CLIC2: variants seen among roughly 807,000 people sequenced by gnomAD.
CLIC2 encodes CLIC family member 2.
A neutral mutation model predicts 14.8 loss-of-function variants in CLIC2; 9 were observed. That is an observed-to-expected ratio of 0.61 (90% CI 0.37 to 1.06). The LOEUF (loss-of-function observed/expected upper bound fraction) is 1.06, where lower values mean the gene tolerates loss of function less well. Among genes scored for constraint, CLIC2 ranks in the 50% least tolerant of loss-of-function variants. The pLI, the probability that CLIC2 is intolerant of heterozygous loss-of-function variation, is 0.01. For synonymous variants in CLIC2, 61 were observed against 66.3 expected, an observed-to-expected ratio of 0.92 and a Z score of 0.39; for missense variants, 148 against 181.4, an observed-to-expected ratio of 0.82 and a Z score of 1.06.
chrX:155,293,581 C>A, intron 3 of CLIC2: 2 of 427,750 alleles, frequency 4.7e-6, no homozygotes, highest in Non-Finnish European at 8.1e-6. Context: ...CACATGTAAA[C>A]ATAAACAGAT....
intron 1 of CLIC2, chrX:155,310,616 G>C (rs2124196905): frequency 7.7e-6 from 1 of 129,229 alleles, no homozygotes; most frequent in South Asian, 2.4e-4. Context: ...TACCATTCTG[G>C]GGTCTGGAGG....
intron 3 of CLIC2, among the ~76,000 whole-genome samples, chrX:155,289,175 T>C (rs2074953948): frequency 9.0e-6 from 1 of 111,241 alleles, no homozygotes; most frequent in South Asian, 3.8e-4. Context: ...TTTCACCCTA[T>C]GAAATGTGCA....
chrX:155,325,761 G>GATATATAT (rs60334475), intron 1 of CLIC2, among the ~76,000 whole-genome samples: 19 of 32,859 alleles, frequency 5.8e-4, no homozygotes, highest in South Asian at 2.6e-3. Context: ...AAGAAAATGT[G>GATATATAT]ATATATATAT....
chrX:155,282,166 G>C (rs2074922125), intron 3 of CLIC2, among the ~76,000 whole-genome samples: 1 of 111,718 alleles, frequency 9.0e-6, no homozygotes, highest in African/African-American at 3.3e-5. Flanking sequence ...CCGTAGGTGA[G>C]GGGGACACAT....
chrX:155,321,362 T>A (rs2075113913), intron 1 of CLIC2, among the ~76,000 whole-genome samples: 1 of 111,766 alleles, frequency 8.9e-6, no homozygotes, highest in Non-Finnish European at 1.9e-5. Context: ...TAATAGCAGA[T>A]CTCTCTGCAG....
At chrX:155,282,206 G>C (rs1321754703) in intron 3 of CLIC2, among the ~76,000 whole-genome samples, 1 of 111,787 alleles carries the variant, frequency 8.9e-6, no homozygotes, top group Non-Finnish European at 1.9e-5. Flanking sequence ...TTTTCTTTCA[G>C]GTCTTTTTCA....
chrX:155,319,754 G>A (rs933119100), intron 1 of CLIC2, among the ~76,000 whole-genome samples: 15 of 111,694 alleles, frequency 1.3e-4, no homozygotes, highest in Non-Finnish European at 2.6e-4. Flanking sequence ...AGGGAGCCAA[G>A]TGGTCTAGCT....
At chrX:155,293,040 C>A (rs1411256445) in intron 3 of CLIC2, 10 of 641,032 alleles carry the variant, frequency 1.6e-5, no homozygotes, top group Non-Finnish European at 2.4e-5. Context: ...CAGCCCTGTA[C>A]GAGGCCACTC....
chrX:155,325,382 G>A (rs1190138639), intron 1 of CLIC2, among the ~76,000 whole-genome samples: 6 of 111,090 alleles, frequency 5.4e-5, no homozygotes, highest in African/African-American at 2.0e-4. Flanking sequence ...TGATAGAATG[G>A]ACAAAGAAAA....
chrX:155,309,292 G>A, intron 1 of CLIC2, among the ~76,000 whole-genome samples: 1 of 111,472 alleles, frequency 9.0e-6, no homozygotes, highest in East Asian at 2.8e-4. Flanking sequence ...GGCAACATGA[G>A]TGAGCCCCTG....
In CLIC2 at chrX:155,276,786, A is replaced by T. The variant is rs1417142380; in HGVS notation, c.*1117T>A. ...TCTCAAAGATTATCAACATGATTGCATTTCTCTGCCACCTAACCATACACT... is the reference window on the plus strand; with the variant it reads ...TCTCAAAGATTATCAACATGATTGCTTTTCTCTGCCACCTAACCATACACT... On this transcript the variant is annotated 3_prime_UTR_variant, in exon 6 of 6. Transcript: ENST00000369449. 1 of 112,265 alleles carries T rather than the reference A, an allele frequency of 8.9e-6. No individual in the cohort carries two copies. The highest frequency in any genetic ancestry group is 9.5e-5 in the Admixed American group (1 of 10,563). 9.3% of individuals were successfully genotyped at this position (112,265 alleles called of 1,213,427 possible). A position where few individuals can be genotyped will look rare whatever the true frequency, so the allele number is the denominator to read the frequency against.
intron 1 of CLIC2, among the ~76,000 whole-genome samples, chrX:155,321,822 T>C (rs1224396673): frequency 9.0e-6 from 1 of 110,813 alleles, no homozygotes; most frequent in South Asian, 3.9e-4. Context: ...ACCCATCTCA[T>C]GTGCAAAGAC....
chrX:155,297,726 C>T (rs1467152928), intron 3 of CLIC2, among the ~76,000 whole-genome samples: 2 of 100,817 alleles, frequency 2.0e-5, no homozygotes, highest in South Asian at 4.9e-4. Flanking sequence ...TGGTGGCGGG[C>T]ATCTGTAGTC....
chrX:155,325,652 C>T (rs910639744), intron 1 of CLIC2, among the ~76,000 whole-genome samples: 24 of 104,807 alleles, frequency 2.3e-4, no homozygotes, highest in Admixed American at 4.2e-4. Flanking sequence ...ACCTAGATGA[C>T]GGGTTGATGG....
chrX:155,283,608 G>T (rs937658222), intron 3 of CLIC2, among the ~76,000 whole-genome samples: 7 of 110,408 alleles, frequency 6.3e-5, no homozygotes, highest in African/African-American at 2.3e-4. Flanking sequence ...GTGTCCAAGT[G>T]TTCTCATTGT....
intron 3 of CLIC2, chrX:155,290,679 C>G: frequency 1.0e-6 from 1 of 981,407 alleles, no homozygotes; most frequent in South Asian, 1.9e-5. Flanking sequence ...GAAATGGTAA[C>G]GAGCTGAATC....
chrX:155,292,697 G>A (rs1819268183), intron 3 of CLIC2: 1 of 341,832 alleles, frequency 2.9e-6, no homozygotes, highest in South Asian at 4.3e-5. Flanking sequence ...GTGAACCTGG[G>A]AGGCGGAGCT....
At chrX:155,334,182 G>T (rs980576626) in intron 1 of CLIC2, among the ~76,000 whole-genome samples, 189 bp downstream of exon 1, 1 of 111,477 alleles carries the variant, frequency 9.0e-6, no homozygotes, top group Non-Finnish European at 1.9e-5. Context: ...TTTCAGAAGA[G>T]ATCTGTTTTC....
chrX:155,301,474 T>C (rs1557319083), intron 1 of CLIC2, among the ~76,000 whole-genome samples: 1 of 109,466 alleles, frequency 9.1e-6, no homozygotes, highest in Admixed American at 9.8e-5. Flanking sequence ...TAAGGAGATT[T>C]TGGGCTGAGA....
Sources: allele counts gnomAD v4.1 joint callset (sites outside exome capture counted in the v4.1 genomes callset), GRCh38; gene constraint gnomAD v4.1.1; transcripts MANE v1.5; gene names NCBI Gene and HGNC (gene_info 2026-07-23, HGNC 2026-07-21).